Variants in FARP2 observed in about 807,000 individuals in gnomAD.
The protein encoded by FARP2 is FERM, ARH/RhoGEF and pleckstrin domain protein 2.
FARP2 carries 111 observed loss-of-function variants against 130.5 expected under a neutral mutation model. That is an observed-to-expected ratio of 0.85 (90% CI 0.73 to 1.00). The LOEUF (loss-of-function observed/expected upper bound fraction) is 1.00, where lower values mean the gene tolerates loss of function less well. Among genes scored for constraint, FARP2 ranks in the 50% least tolerant of loss-of-function variants. The pLI is 0.00. For synonymous variants in FARP2, 504 were observed against 516.9 expected (o/e 0.98, Z 0.34); for missense variants, 1,385 against 1,346.3 (o/e 1.03, Z -0.45).
chr2:241,455,995 C>G (rs892475110), intron 13 of FARP2, among the ~76,000 whole-genome samples: 2 of 150,980 alleles, frequency 1.3e-5, no homozygotes, highest in African/African-American at 4.8e-5. Flanking sequence ...TTACTGGTTT[C>G]CCATAGAAAA....
In FARP2 at chr2:241,475,496, C is replaced by A. The variant is rs2064435317; in HGVS notation, c.2132-361C>A. Among the ~76,000 whole-genome samples, 1 of 152,234 alleles carries A rather than the reference C, an allele frequency of 6.6e-6. No homozygotes were observed. Among genetic ancestry groups the A allele is most frequent in the Non-Finnish European group, 1.5e-5 (1 of 68,046 alleles). On this transcript the variant is annotated intron_variant, in intron 18 of 26. Coordinates refer to ENST00000264042, the MANE Select transcript of FARP2 (RefSeq NM_014808.4). The surrounding 1 kb of genome is among the most constrained non-coding windows in gnomAD (Gnocchi z 4.4). ...TGCATTACCACCTGAGCTCCTCCTC[C>A]TGTCAGATCAGCAGCAACATTAGAT...
At chr2:241,472,169 G>C (rs1017205091) in intron 18 of FARP2, among the ~76,000 whole-genome samples, 1 of 151,214 alleles carries the variant, frequency 6.6e-6, no homozygotes, top group East Asian at 2.0e-4. Context: ...CTGTTCTTAG[G>C]GGGATCCTGT....
chr2:241,475,974 T>C lies in FARP2; in HGVS notation c.2249T>C (p.Ile750Thr). Residue 750 changes from isoleucine (I) to threonine (T), a missense_variant, in exon 19 of 27, where the codon ATT (isoleucine) becomes ACT (threonine). By Grantham distance (89) the Ile-to-Thr change is moderately conservative. Transcript: ENST00000264042. This position sits in a 1 kb window ranked among gnomAD's most constrained non-coding sequence, Gnocchi z 4.4. Reference protein sequence around the residue: ...QRDLVGIENLIAPGREFIREG... With the variant: ...QRDLVGIENLTAPGREFIREG... The stretch of plus-strand genomic sequence containing the variant: ...GACCTGGTGGGCATAGAGAACCTCA[T>C]TGCTCCTGGCAGGGTGAGTGACCTT... The C allele has an allele frequency of 1.2e-6, 2 of 1,613,250 alleles. No homozygotes were observed. Among genetic ancestry groups the C allele is most frequent in the Non-Finnish European group, 1.7e-6 (2 of 1,179,652 alleles).
At chr2:241,425,225 A>T (rs750204370) in intron 8 of FARP2, among the ~76,000 whole-genome samples, 15 of 152,170 alleles carry the variant, frequency 9.9e-5, no homozygotes, top group Non-Finnish European at 2.1e-4. Flanking sequence ...AAACAAAAAA[A>T]ACCCTGGAAG....
intron 16 of FARP2, 39 bp downstream of exon 16, chr2:241,463,507 C>A: frequency 6.3e-7 from 1 of 1,597,660 alleles, no homozygotes; most frequent in Non-Finnish European, 8.5e-7. Context: ...GACTCCCACA[C>A]CAACTCATCA....
intron 2 of FARP2, among the ~76,000 whole-genome samples, chr2:241,385,424 T>C (rs1290257863): frequency 6.6e-6 from 1 of 152,080 alleles, no homozygotes; most frequent in African/African-American, 2.4e-5. Context: ...AAAAATTCAG[T>C]CAATATAAAT....
At chr2:241,362,661 A>T (rs1468245446) in intron 1 of FARP2, among the ~76,000 whole-genome samples, 3 of 152,002 alleles carry the variant, frequency 2.0e-5, no homozygotes, top group Admixed American at 2.0e-4. Context: ...AGCAAATACA[A>T]CTCTAAGGGG....
At chr2:241,451,054 G>T (rs1021124350) in intron 13 of FARP2, among the ~76,000 whole-genome samples, 1 of 152,150 alleles carries the variant, frequency 6.6e-6, no homozygotes, top group Non-Finnish European at 1.5e-5. Context: ...CCAGGCTCAG[G>T]CATTTCTTCC....
chr2:241,457,279 T>TCCCTC (rs35422755), intron 14 of FARP2, among the ~76,000 whole-genome samples: 1 of 149,310 alleles, frequency 6.7e-6, no homozygotes, highest in Non-Finnish European at 1.5e-5. Flanking sequence ...CTCCCTCCCG[T>TCCCTC]CCTCCCTCCT....
chr2:241,472,932 A>G (rs2064357784), intron 18 of FARP2, among the ~76,000 whole-genome samples: 1 of 144,976 alleles, frequency 6.9e-6, no homozygotes, highest in Non-Finnish European at 1.5e-5. Flanking sequence ...CCCTATTCTG[A>G]GGGGGATGCT....
intron 2 of FARP2, among the ~76,000 whole-genome samples, chr2:241,388,073 T>G (rs1393823973): frequency 6.6e-6 from 1 of 152,168 alleles, no homozygotes; most frequent in East Asian, 1.9e-4. Flanking sequence ...ACAGCAGATC[T>G]TACAATGTAT....
At chr2:241,364,434 G>A (rs1184753846) in intron 1 of FARP2, among the ~76,000 whole-genome samples, 2 of 152,198 alleles carry the variant, frequency 1.3e-5, no homozygotes, top group Admixed American at 6.5e-5. Context: ...GAGAATTCTG[G>A]TGAGTTACAT....
At chr2:241,466,689 ACCCCCCCCC>A in intron 17 of FARP2, 1 of 497,492 alleles carries the variant, frequency 2.0e-6, no homozygotes, top group Non-Finnish European at 2.3e-6. Context: ...CCTTCCAACC[ACCCCCCCCC>A]CCACCACCAC....
intron 8 of FARP2, among the ~76,000 whole-genome samples, chr2:241,428,051 C>T (rs556794876): frequency 7.9e-5 from 12 of 152,216 alleles, no homozygotes; most frequent in African/African-American, 2.6e-4. Flanking sequence ...CAGGCATGAG[C>T]CACCACGCCC....
chr2:241,427,497 G>T (rs2062972262), intron 8 of FARP2, among the ~76,000 whole-genome samples: 1 of 152,038 alleles, frequency 6.6e-6, no homozygotes, highest in African/African-American at 2.4e-5. Flanking sequence ...TACAAAAATT[G>T]TAGGTTTTTT....
chr2:241,456,856 A>G lies in FARP2; in HGVS notation c.1521A>G (p.Pro507=). 6.2e-7 allele frequency: 1 copy of G among 1,612,732 alleles called. No homozygotes were observed. Among genetic ancestry groups the G allele is most frequent in the South Asian group, 1.1e-5 (1 of 91,018 alleles). ...GCCCAGCTGAACAGGGCTCATCCCCACTCCTGAGCCCTGTCCTCAGTGATG... is the reference window on the plus strand; with the variant it reads ...GCCCAGCTGAACAGGGCTCATCCCCGCTCCTGAGCCCTGTCCTCAGTGATG... The part of the protein sequence containing the change: ...PLGPAEQGSS[P]LLSPVLSDAG... The change falls in exon 14 of 27, where the codon CCA becomes CCG. Residue 507 remains proline (P), a synonymous_variant. Coordinates refer to ENST00000264042, the MANE Select transcript of FARP2 (RefSeq NM_014808.4).
intron 13 of FARP2, among the ~76,000 whole-genome samples, chr2:241,453,780 T>C (rs1329677705): frequency 8.8e-6 from 1 of 113,808 alleles, no homozygotes; most frequent in South Asian, 3.3e-4. Context: ...TTTTTTTTTT[T>C]TTTTTTTTTT....
rs566022266 is a variant in FARP2 at position 241,453,312 on chromosome 2, A to G, written c.1412-3435A>G. On this transcript the variant is annotated intron_variant, in intron 13 of 26. Transcript: ENST00000264042. The stretch of plus-strand genomic sequence containing the variant: ...GCTACTGCACTCCAACCTGGGCGAC[A>G]GAGACTTTGTCTCAAAAAATGTATT... 1.2e-3 allele frequency among the ~76,000 whole-genome samples: 187 copies of G among 149,620 alleles called. 1 individual carries two copies. Among genetic ancestry groups the G allele is most frequent in the African/African-American group, 4.4e-3 (176 of 40,420 alleles).
Position 241,466,690 on chromosome 2 carries a change from C to CT in FARP2, c.1894-1450_1894-1449insT. 1.9e-5 allele frequency: 6 copies of CT among 311,210 alleles called. 1 individual carries two copies. The highest frequency in any genetic ancestry group is 2.4e-5 in the Non-Finnish European group (6 of 250,812). The allele number at this position is 311,210 out of a possible 1,614,324, so 19.3% of individuals were successfully genotyped here. ...CCCGCCTTCACTCCCCTTCCAACCA[C>CT]CCCCCCCCCCACCACCACCACCCGT... On this transcript the variant is annotated intron_variant, in intron 17 of 26. Coordinates refer to ENST00000264042, the MANE Select transcript of FARP2 (RefSeq NM_014808.4).
Sources: allele counts gnomAD v4.1 joint callset (sites outside exome capture counted in the v4.1 genomes callset), GRCh38; gene constraint gnomAD v4.1.1; non-coding constraint Gnocchi (gnomAD v3.1); transcripts MANE v1.5; gene names NCBI Gene and HGNC (gene_info 2026-07-23, HGNC 2026-07-21).